The following IFT88 variants were observed in gnomAD, a reference collection of about 807,000 sequenced individuals.
The protein encoded by IFT88 is intraflagellar transport protein 88 homolog.
A neutral mutation model predicts 119.5 loss-of-function variants in IFT88; 74 were observed. That is an observed-to-expected ratio of 0.62 (90% CI 0.51 to 0.75). IFT88 has a LOEUF of 0.75. IFT88 is among the 30% of genes least tolerant of loss of function. The probability of loss-of-function intolerance (pLI) is 0.00; values close to 1 mark genes in which losing one functional copy is unlikely to be tolerated. For missense variants in IFT88, 961 were observed against 977.7 expected (o/e 0.98, Z 0.23); for synonymous variants, 279 against 316.7 (o/e 0.88, Z 1.26).
At chr13:20,613,959 G>A (rs1377335772) in intron 13 of IFT88, among the ~76,000 whole-genome samples, 1 of 5,590 alleles carries the variant, frequency 1.8e-4, no homozygotes, top group African/African-American at 5.0e-4. Context: ...AGATTTGCCA[G>A]GGAGTGTCTG....
chr13:20,596,318 A>C (rs2041634949), intron 8 of IFT88, 78 bp downstream of exon 8: 1 of 525,276 alleles, frequency 1.9e-6, no homozygotes, highest in East Asian at 3.4e-5. Flanking sequence ...CCGTATGTAT[A>C]GACAAATATT....
rs528015693 is a variant in IFT88, at chr13:20,612,210, G to A, written c.1113-3583G>A. Reference sequence around the variant, plus strand: ...GATGAAGTGTAGTATTTGTATATCTGATGCTTCCGCTATCCAAGGACAATC... The same window carrying A: ...GATGAAGTGTAGTATTTGTATATCTAATGCTTCCGCTATCCAAGGACAATC... On this transcript the variant is annotated intron_variant, in intron 13 of 25. Transcript: ENST00000351808. The A allele has an allele frequency of 1.5e-4, 23 of 152,276 alleles. No homozygotes were observed. In the Middle Eastern group the frequency reaches 0.01, roughly 68 times the overall value. The allele number at this position is 152,276 out of a possible 1,614,324, so 9.4% of individuals were successfully genotyped here.
At chr13:20,672,087 A>G (rs2055969283) in intron 24 of IFT88, among the ~76,000 whole-genome samples, 2 of 152,322 alleles carry the variant, frequency 1.3e-5, no homozygotes, top group East Asian at 1.9e-4. Flanking sequence ...GCCATGGTAG[A>G]GAAATGTACA....
chr13:20,614,780 G>A (rs2045294717), intron 13 of IFT88, among the ~76,000 whole-genome samples: 1 of 150,992 alleles, frequency 6.6e-6, no homozygotes, highest in Admixed American at 6.6e-5. Flanking sequence ...AGAATAACAA[G>A]ATGAATGTTG....
Position 20,663,578 on chromosome 13 carries a change from G to C in IFT88, c.2149G>C (p.Glu717Gln). The C allele has an allele frequency of 6.2e-7, 1 of 1,613,274 alleles. No homozygotes were observed. The highest frequency in any genetic ancestry group is 8.5e-7 in the Non-Finnish European group (1 of 1,179,554). Reference protein sequence around the residue: ...QEYARKLKRLEKMKEIREQRI... With the variant: ...QEYARKLKRLQKMKEIREQRI... Reference sequence around the variant, plus strand: ...ATATGCCAGAAAACTGAAGAGGTTGGAAAAAATGAAAGAAATAAGGGAACA... The same window carrying C: ...ATATGCCAGAAAACTGAAGAGGTTGCAAAAAATGAAAGAAATAAGGGAACA... Residue 717 changes from glutamate to glutamine, a missense_variant, in exon 23 of 26, where the codon GAA becomes CAA. Transcript: ENST00000351808.
intron 16 of IFT88, among the ~76,000 whole-genome samples, chr13:20,635,713 G>GGGGCCT (rs2048924908): frequency 6.6e-6 from 1 of 152,042 alleles, no homozygotes; most frequent in Non-Finnish European, 1.5e-5. Flanking sequence ...ATCATACACC[G>GGGGCCT]GGGCCTGTCG....
At chr13:20,595,325 A>G (rs968555594) in intron 7 of IFT88, among the ~76,000 whole-genome samples, 1 of 151,156 alleles carries the variant, frequency 6.6e-6, no homozygotes, top group African/African-American at 2.4e-5. Context: ...TCTGTCACCC[A>G]GGCTGGAGTA....
At position 20,605,083 on chromosome 13, in the gene IFT88, C is replaced by G. The variant is rs772217175; in HGVS notation, c.1090C>G (p.Leu364Val). ...LVTEAIKNDH[L>V]RQMERERKAM... ...AACTGAAGCTATAAAAAATGATCAC[C>G]TCAGGCAAATGGAACGTGAAAGGTA... is the stretch of plus-strand genomic sequence containing the variant. Residue 364 changes from leucine (L) to valine (V), a missense_variant, in exon 13 of 26, where the codon CTC (leucine) becomes GTC (valine). Leu to Val is a conservative substitution (Grantham distance 32, BLOSUM62 1). Coordinates refer to ENST00000351808, the MANE Select transcript of IFT88 (RefSeq NM_006531.5). The G allele has an allele frequency of 6.7e-7, 1 of 1,493,622 alleles. No individual in the cohort carries two copies. Among genetic ancestry groups the G allele is most frequent in the Non-Finnish European group, 9.3e-7 (1 of 1,077,002 alleles). The allele number at this position is 1,493,622 out of a possible 1,614,324, so 92.5% of individuals were successfully genotyped here.
rs2138351980 is a variant in IFT88 at position 20,583,151 on chromosome 13, A to G, written c.153+132A>G. 5.5e-6 allele frequency: 3 copies of G among 542,238 alleles called. No individual in the cohort carries two copies. In the South Asian group the frequency reaches 9.0e-5, roughly 16 times the overall value. The allele number at this position is 542,238 out of a possible 1,614,324, so 33.6% of individuals were successfully genotyped here. A position where few individuals can be genotyped will look rare whatever the true frequency, so the allele number is the denominator to read the frequency against. ...CCATCATTAAGTTTAGATGGTAGTG[A>G]AACAGATCTTCAGAAGTTTTTCATC... On this transcript the variant is annotated intron_variant, in intron 3 of 25. Transcript: ENST00000351808.
chr13:20,624,458 G>A (rs2480429), intron 14 of IFT88, among the ~76,000 whole-genome samples: 24,926 of 152,046 alleles, frequency 0.16, 2,381 homozygotes, highest in African/African-American at 0.25. Flanking sequence ...GGTTTTGGGT[G>A]AGACTCTCAT....
intron 15 of IFT88, among the ~76,000 whole-genome samples, chr13:20,627,126 A>C (rs1158063313): frequency 1.3e-5 from 2 of 152,226 alleles, no homozygotes; most frequent in Non-Finnish European, 2.9e-5. Context: ...TCCATTGCAT[A>C]TGTTAATTTA....
chr13:20,681,631 A>G (rs1235722535), intron 24 of IFT88, among the ~76,000 whole-genome samples: 1 of 152,264 alleles, frequency 6.6e-6, no homozygotes, highest in African/African-American at 2.4e-5. Context: ...TATGAGCTCC[A>G]ATATGAGTAA....
intron 23 of IFT88, 38 bp from the exon 24 acceptor site, chr13:20,670,935 G>A (rs1336524183): frequency 1.3e-6 from 2 of 1,566,498 alleles, no homozygotes; most frequent in African/African-American, 2.7e-5. Flanking sequence ...TGAAGGAATA[G>A]CACTTATTCT....
At chr13:20,660,938 T>C (rs1176245459) in intron 22 of IFT88, among the ~76,000 whole-genome samples, 1 of 152,224 alleles carries the variant, frequency 6.6e-6, no homozygotes, top group Non-Finnish European at 1.5e-5. Context: ...TGCTCTGTTA[T>C]TATATATATT....
In IFT88 at chr13:20,598,766, A is replaced by G; in HGVS notation, c.697+13A>G. 16 of 1,477,016 alleles carry G rather than the reference A, an allele frequency of 1.1e-5. No homozygotes were observed. The highest frequency in any genetic ancestry group is 1.5e-5 in the Non-Finnish European group (16 of 1,059,480). 91.5% of individuals were successfully genotyped at this position (1,477,016 alleles called of 1,614,324 possible). A position where few individuals can be genotyped will look rare whatever the true frequency, so the allele number is the denominator to read the frequency against. ...TTTAGCAATGCAGGTAAGTGTACATAATCAGTTTTTCCAATAGATGTAATT... is the reference window on the plus strand; with the variant it reads ...TTTAGCAATGCAGGTAAGTGTACATGATCAGTTTTTCCAATAGATGTAATT... On this transcript the variant is annotated intron_variant, in intron 10 of 25. Transcript: ENST00000351808.
chr13:20,600,620 A>G (rs1324395565), intron 11 of IFT88, among the ~76,000 whole-genome samples: 1 of 152,228 alleles, frequency 6.6e-6, no homozygotes, highest in African/African-American at 2.4e-5. Flanking sequence ...TCAAAGAAAC[A>G]ATAAGTTTTG....
intron 1 of IFT88, among the ~76,000 whole-genome samples, chr13:20,570,090 A>C (rs1005259427): frequency 6.6e-6 from 1 of 152,112 alleles, no homozygotes; most frequent in Admixed American, 6.6e-5. Context: ...CTCCAAAGAG[A>C]TATAGAAATG....
intron 3 of IFT88, among the ~76,000 whole-genome samples, chr13:20,586,975 A>G (rs1183757303): frequency 1.3e-5 from 2 of 151,910 alleles, no homozygotes; most frequent in Non-Finnish European, 2.9e-5. Flanking sequence ...TTCCATGGGT[A>G]TTTCTTCTTT....
chr13:20,584,358 A>G (rs2039257942), intron 3 of IFT88, among the ~76,000 whole-genome samples: 1 of 152,150 alleles, frequency 6.6e-6, no homozygotes, highest in South Asian at 2.1e-4. Context: ...ATTTTAAAGT[A>G]TTTGAGATCA....
Sources: allele counts gnomAD v4.1 joint callset (sites outside exome capture counted in the v4.1 genomes callset), GRCh38; gene constraint gnomAD v4.1.1; transcripts MANE v1.5; gene names NCBI Gene and HGNC (gene_info 2026-07-23, HGNC 2026-07-21).